The following PARD3 variants were observed in gnomAD, a reference collection of about 807,000 sequenced individuals.
PARD3 encodes the protein par-3 family cell polarity regulator.
PARD3 carries 75 observed loss-of-function variants against 155.4 expected under a neutral mutation model. That is an observed-to-expected ratio of 0.48 (90% CI 0.40 to 0.58). PARD3 has a LOEUF of 0.58. PARD3 is among the 20% of genes least tolerant of loss of function. The pLI is 0.00. For missense variants in PARD3, 1,642 were observed against 1,721.7 expected (o/e 0.95, Z 0.82); for synonymous variants, 576 against 610.5 (o/e 0.94, Z 0.83).
intron 19 of PARD3, among the ~76,000 whole-genome samples, chr10:34,326,464 C>CA (rs1169456664): frequency 6.6e-6 from 1 of 152,160 alleles, no homozygotes; most frequent in Non-Finnish European, 1.5e-5. Context: ...AAATAGGAAA[C>CA]AGTTTACAAA....
At chr10:34,518,651 G>A (rs2081938756) in intron 2 of PARD3, among the ~76,000 whole-genome samples, 1 of 152,160 alleles carries the variant, frequency 6.6e-6, no homozygotes, top group Non-Finnish European at 1.5e-5. Flanking sequence ...CAAATAAATG[G>A]TAGAGAATAA....
At chr10:34,292,532 G>A (rs186995689) in intron 20 of PARD3, among the ~76,000 whole-genome samples, 8 of 152,282 alleles carry the variant, frequency 5.3e-5, no homozygotes, top group South Asian at 4.1e-4. Flanking sequence ...ACTTGATAGC[G>A]CTTTTGTAAG....
chr10:34,281,656 T>C lies in PARD3; in HGVS notation c.3176+2479A>G, dbSNP rs192125121. ...ACCCGGCTCAGAACAATCTAGTATATTGTCACCATCTAAATAGATCTTAAC... is the reference window on the plus strand; with the variant it reads ...ACCCGGCTCAGAACAATCTAGTATACTGTCACCATCTAAATAGATCTTAAC... On this transcript the variant is annotated intron_variant, in intron 21 of 24. Coordinates refer to ENST00000374788, the MANE Select transcript of PARD3 (RefSeq NM_001184785.2). 8.5e-5 allele frequency among the ~76,000 whole-genome samples: 13 copies of C among 152,294 alleles called. No homozygotes were observed. In the East Asian group the frequency reaches 2.3e-3, roughly 27 times the overall value.
intron 22 of PARD3, among the ~76,000 whole-genome samples, chr10:34,198,492 G>A (rs1369162447): frequency 6.6e-6 from 1 of 151,446 alleles, no homozygotes; most frequent in African/African-American, 2.4e-5. Context: ...GTGTGTATGT[G>A]TGTGTGTGTC....
chr10:34,140,017 T>A (rs549631950), intron 22 of PARD3, among the ~76,000 whole-genome samples: 1 of 152,334 alleles, frequency 6.6e-6, no homozygotes, highest in East Asian at 1.9e-4. Context: ...ACTGAGTTCT[T>A]AATTGCTGTA....
intron 1 of PARD3, among the ~76,000 whole-genome samples, chr10:34,748,740 T>A (rs750985261): frequency 1.1e-4 from 17 of 152,142 alleles, no homozygotes; most frequent in Non-Finnish European, 2.4e-4. Context: ...AGTGGCTTCA[T>A]TCATGAAGAC....
intron 12 of PARD3, 133 bp from the exon 13 acceptor site, chr10:34,360,392 T>C: frequency 1.6e-6 from 1 of 621,614 alleles, no homozygotes; most frequent in Non-Finnish European, 2.8e-6. Flanking sequence ...CACAGCAAGA[T>C]CCATGAAAAC....
At chr10:34,541,215 C>A (rs1272911623) in intron 2 of PARD3, among the ~76,000 whole-genome samples, 1 of 152,098 alleles carries the variant, frequency 6.6e-6, no homozygotes, top group Non-Finnish European at 1.5e-5. Flanking sequence ...TCATCCTGTA[C>A]ATAAATGCAG....
At chr10:34,210,919 G>A (rs989066777) in intron 22 of PARD3, among the ~76,000 whole-genome samples, 4 of 152,100 alleles carry the variant, frequency 2.6e-5, no homozygotes, top group African/African-American at 4.8e-5. Flanking sequence ...TTAAAGGAAC[G>A]TACTGTTTTT....
At chr10:34,215,488 C>T (rs900437990) in intron 22 of PARD3, among the ~76,000 whole-genome samples, 3 of 152,090 alleles carry the variant, frequency 2.0e-5, no homozygotes, top group East Asian at 1.9e-4. Flanking sequence ...CACAAGAAAG[C>T]GTGGAATTTG....
chr10:34,327,457 T>A (rs1425636240), intron 19 of PARD3, among the ~76,000 whole-genome samples: 1 of 152,170 alleles, frequency 6.6e-6, no homozygotes, highest in African/African-American at 2.4e-5. Flanking sequence ...ATTTCCACAC[T>A]GCTGAGAAGA....
At chr10:34,546,958 T>C (rs1279099033) in intron 2 of PARD3, among the ~76,000 whole-genome samples, 2 of 152,216 alleles carry the variant, frequency 1.3e-5, no homozygotes, top group Non-Finnish European at 2.9e-5. Flanking sequence ...GTTTAGCCCA[T>C]CAAACACACA....
At chr10:34,745,827 G>A (rs553666281) in intron 1 of PARD3, among the ~76,000 whole-genome samples, 22 of 152,064 alleles carry the variant, frequency 1.4e-4, no homozygotes, top group South Asian at 8.3e-4. Flanking sequence ...ACGGCCAGGC[G>A]CGGTGGCTCA....
At chr10:34,644,389 C>T (rs191467384) in intron 2 of PARD3, among the ~76,000 whole-genome samples, 5 of 152,332 alleles carry the variant, frequency 3.3e-5, no homozygotes, top group Admixed American at 1.3e-4. Flanking sequence ...GCCAGCCCCA[C>T]GCTCCGACAG....
intron 7 of PARD3, among the ~76,000 whole-genome samples, chr10:34,390,449 C>A (rs1017130155): frequency 3.9e-5 from 6 of 152,132 alleles, no homozygotes; most frequent in African/African-American, 1.4e-4. Flanking sequence ...ATGATTTGAT[C>A]ATTCTTATTA....
At chr10:34,267,870 G>T (rs186590427) in intron 22 of PARD3, among the ~76,000 whole-genome samples, 2 of 152,188 alleles carry the variant, frequency 1.3e-5, no homozygotes, top group Admixed American at 6.5e-5. Flanking sequence ...TTTGGGGAGA[G>T]TCCATCAATG....
intron 2 of PARD3, among the ~76,000 whole-genome samples, chr10:34,693,726 G>A (rs1306914368): frequency 2.0e-5 from 3 of 152,120 alleles, no homozygotes; most frequent in Non-Finnish European, 4.4e-5. Context: ...TTAAAAATAA[G>A]AGGCTGAGGC....
chr10:34,136,823 T>C (rs1339333250), intron 22 of PARD3, among the ~76,000 whole-genome samples: 1 of 152,214 alleles, frequency 6.6e-6, no homozygotes, highest in East Asian at 1.9e-4. Context: ...TCTCTTCCTT[T>C]CAGTTCACCT....
rs536962207 is a variant in PARD3 at position 34,469,291 on chromosome 10, A to G, written c.582+794T>C. ...ACACCTGGCTAATTTTTGTATTTTT[A>G]GTGGAGATGGGGTTTTGCTATGTTG... On this transcript the variant is annotated intron_variant, in intron 4 of 24. Transcript: ENST00000374788. Among the ~76,000 whole-genome samples the G allele has an allele frequency of 2.0e-5, 3 of 152,218 alleles. No individual in the cohort carries two copies. The South Asian group carries it at 6.2e-4, about 32-fold the overall frequency.
Sources: gnomAD v4.1 joint callset for allele counts (sites outside exome capture counted in the v4.1 genomes callset) on GRCh38, gnomAD v4.1.1 for gene constraint, MANE v1.5 for transcripts, NCBI Gene and HGNC (gene_info 2026-07-23, HGNC 2026-07-21) for gene names.